The following WDR72 variants were observed in gnomAD, a reference collection of about 807,000 sequenced individuals.
The protein encoded by WDR72 is WD repeat-containing protein 72.
In WDR72, 120 loss-of-function variants were observed where a neutral mutation model predicts 124.2. The observed-to-expected ratio is 0.97, with a 90% confidence interval of 0.83 to 1.12. WDR72 has a LOEUF of 1.12. WDR72 is among the 50% of genes most tolerant of loss of function. The pLI is 0.00. For missense variants in WDR72, 1,387 were observed against 1,278.8 expected (o/e 1.08, Z -1.29); for synonymous variants, 452 against 441.7 (o/e 1.02, Z -0.29).
At chr15:53,524,014 GAGAA>G (rs1224949864) in intron 18 of WDR72, among the ~76,000 whole-genome samples, 5 of 152,034 alleles carry the variant, frequency 3.3e-5, no homozygotes, top group Admixed American at 3.3e-4. Flanking sequence ...AATTCTGTTT[GAGAA>G]ACAGACTGAA....
At chr15:53,738,535 G>A (rs2018418230) in intron 1 of WDR72, among the ~76,000 whole-genome samples, 1 of 152,098 alleles carries the variant, frequency 6.6e-6, no homozygotes, top group Non-Finnish European at 1.5e-5. Flanking sequence ...ATTTGGAAAG[G>A]TAAGTGAAAT....
At chr15:53,711,292 T>C in intron 8 of WDR72, 44 bp downstream of exon 8, 1 of 1,613,850 alleles carries the variant, frequency 6.2e-7, no homozygotes, top group East Asian at 2.2e-5. Flanking sequence ...CCAAAGTTCA[T>C]TTTCTACCTG....
At chr15:53,680,294 C>A (rs2016335748) in intron 13 of WDR72, among the ~76,000 whole-genome samples, 1 of 152,124 alleles carries the variant, frequency 6.6e-6, no homozygotes, top group Admixed American at 6.6e-5. Flanking sequence ...TTTATCTATG[C>A]CCTCTATGAT....
At chr15:53,660,177 C>T (rs1027188303) in intron 14 of WDR72, among the ~76,000 whole-genome samples, 7 of 151,226 alleles carry the variant, frequency 4.6e-5, no homozygotes, top group African/African-American at 1.7e-4. Flanking sequence ...ATGATTTAGC[C>T]CTATATAATG....
intron 7 of WDR72, 36 bp from the exon 8 acceptor site, chr15:53,711,517 T>TA: frequency 6.2e-7 from 1 of 1,607,958 alleles, no homozygotes; most frequent in Non-Finnish European, 8.5e-7. Context: ...ATCAAAGGCT[T>TA]AAATCTAGTC....
intron 18 of WDR72, among the ~76,000 whole-genome samples, chr15:53,541,485 T>C (rs12441942): frequency 0.8 from 118,383 of 147,138 alleles, 49,037 homozygotes; most frequent in South Asian, 0.91. Flanking sequence ...CAGCAAAAAC[T>C]CATCTGTACC....
chr15:53,725,762 T>C (rs1047990647), intron 2 of WDR72, among the ~76,000 whole-genome samples: 2 of 152,046 alleles, frequency 1.3e-5, no homozygotes, highest in Non-Finnish European at 2.9e-5. Context: ...TAGCAGACAA[T>C]AAAAACATTA....
intron 17 of WDR72, among the ~76,000 whole-genome samples, chr15:53,601,020 C>A (rs2013021735): frequency 6.6e-6 from 1 of 152,108 alleles, no homozygotes; most frequent in Non-Finnish European, 1.5e-5. Flanking sequence ...AAACATTCAA[C>A]TTCTAGAGCT....
chr15:53,621,998 C>T (rs760684257), intron 14 of WDR72, among the ~76,000 whole-genome samples: 4 of 151,940 alleles, frequency 2.6e-5, no homozygotes, highest in African/African-American at 7.3e-5. Flanking sequence ...AGAAGACATT[C>T]GTGTGGTCAA....
intron 13 of WDR72, among the ~76,000 whole-genome samples, chr15:53,698,559 T>C (rs997293277): frequency 6.6e-6 from 1 of 152,142 alleles, no homozygotes; most frequent in Non-Finnish European, 1.5e-5. Context: ...GATGAGGAGA[T>C]TGACAAGCAA....
At chr15:53,541,495 C>G (rs12438664) in intron 18 of WDR72, among the ~76,000 whole-genome samples, 2 of 148,120 alleles carry the variant, frequency 1.4e-5, no homozygotes, top group African/African-American at 5.1e-5. Flanking sequence ...TCATCTGTAC[C>G]TCACCATCAT....
chr15:53,668,947 C>A (rs796937535), intron 13 of WDR72, among the ~76,000 whole-genome samples: 3 of 83,796 alleles, frequency 3.6e-5, no homozygotes, highest in Admixed American at 3.4e-4. Flanking sequence ...GGAGGAGGAG[C>A]AGGAGGAGGA....
At chr15:53,670,412 C>A (rs1345679103) in intron 13 of WDR72, among the ~76,000 whole-genome samples, 1 of 152,198 alleles carries the variant, frequency 6.6e-6, no homozygotes, top group African/African-American at 2.4e-5. Flanking sequence ...CACTTGTACA[C>A]ACTGCTTTCC....
intron 13 of WDR72, among the ~76,000 whole-genome samples, chr15:53,682,262 A>AGCTTT (rs1343435014): frequency 6.6e-6 from 1 of 152,236 alleles, no homozygotes; most frequent in Non-Finnish European, 1.5e-5. Flanking sequence ...ACCAAAGTGG[A>AGCTTT]GATCCATGTT....
chr15:53,728,084 A>C (rs1027099244), intron 2 of WDR72, among the ~76,000 whole-genome samples: 42 of 152,224 alleles, frequency 2.8e-4, no homozygotes, highest in Non-Finnish European at 1.3e-4. Flanking sequence ...TAAAGACATA[A>C]CTGAGACCGG....
chr15:53,676,771 G>C (rs1280304840), intron 13 of WDR72, among the ~76,000 whole-genome samples: 1 of 152,140 alleles, frequency 6.6e-6, no homozygotes, highest in Non-Finnish European at 1.5e-5. Context: ...CAATAAATAG[G>C]TGTTGTTTTG....
At chr15:53,517,796 A>T (rs1891545176) in intron 19 of WDR72, 42 bp from the exon 20 acceptor site, 2 of 1,573,996 alleles carry the variant, frequency 1.3e-6, no homozygotes, top group East Asian at 2.2e-5. Flanking sequence ...GGTGAAATCT[A>T]AAAAGAGAAA....
intron 1 of WDR72, among the ~76,000 whole-genome samples, chr15:53,744,383 C>A (rs1233813089): frequency 6.6e-6 from 1 of 152,162 alleles, no homozygotes; most frequent in Non-Finnish European, 1.5e-5. Flanking sequence ...AAAACTATAT[C>A]CACGTCTAAG....
intron 6 of WDR72, among the ~76,000 whole-genome samples, chr15:53,713,411 G>GTATTTTATTTTATTTTGTTTT (rs1477955319): frequency 1.1e-5 from 1 of 88,626 alleles, no homozygotes; most frequent in Admixed American, 1.1e-4. Context: ...TTATTTTGTT[G>GTATTTTATTTTATTTTGTTTT]TATTTTATTT....
Sources: allele counts gnomAD v4.1 joint callset (sites outside exome capture counted in the v4.1 genomes callset), GRCh38; gene constraint gnomAD v4.1.1; transcripts MANE v1.5; gene names NCBI Gene and HGNC (gene_info 2026-07-23, HGNC 2026-07-21).